Variants in PTPRN2 observed in about 807,000 individuals in gnomAD.
The protein encoded by PTPRN2 is protein tyrosine phosphatase receptor type N2.
PTPRN2 carries 74 observed loss-of-function variants against 118.8 expected under a neutral mutation model. The ratio of observed to expected loss-of-function variants is 0.62; its 90% CI spans 0.52 to 0.76. PTPRN2 has a LOEUF of 0.76. Among genes scored for constraint, PTPRN2 ranks in the 30% least tolerant of loss-of-function variants. The pLI is 0.00. For missense variants in PTPRN2, 1,481 were observed against 1,394.4 expected, an observed-to-expected ratio of 1.06 and a Z score of -0.99; for synonymous variants, 641 against 608.0, an observed-to-expected ratio of 1.05 and a Z score of -0.80.
intron 2 of PTPRN2, among the ~76,000 whole-genome samples, chr7:158,433,961 G>C (rs1816402247): frequency 1.3e-5 from 2 of 151,972 alleles, no homozygotes; most frequent in South Asian, 4.1e-4. Context: ...ATTTAGAAGA[G>C]TACTGCTTAA....
intron 11 of PTPRN2, among the ~76,000 whole-genome samples, chr7:157,942,146 TCCTCG>T (rs1800177321): frequency 1.6e-5 from 1 of 63,816 alleles, no homozygotes; most frequent in African/African-American, 1.1e-4. Flanking sequence ...CGCACAGGGG[TCCTCG>T]GCCCACCCTC....
At chr7:158,055,180 A>C (rs1809690503) in intron 11 of PTPRN2, among the ~76,000 whole-genome samples, 1 of 152,332 alleles carries the variant, frequency 6.6e-6, no homozygotes, top group South Asian at 2.1e-4. Context: ...TTGCTCTATA[A>C]TCATAACCTA....
intron 1 of PTPRN2, among the ~76,000 whole-genome samples, chr7:158,562,922 G>A (rs1827472636): frequency 6.6e-6 from 1 of 152,204 alleles, no homozygotes; most frequent in Non-Finnish European, 1.5e-5. Context: ...TTAAAGACCA[G>A]AATGTGTCCC....
chr7:158,037,046 CA>C (rs1808130370), intron 11 of PTPRN2, among the ~76,000 whole-genome samples: 1 of 152,176 alleles, frequency 6.6e-6, no homozygotes, highest in African/African-American at 2.4e-5. Flanking sequence ...ATACAGGTCA[CA>C]AGGTCAAAAT....
intron 12 of PTPRN2, among the ~76,000 whole-genome samples, chr7:157,736,868 T>C (rs1252045215): frequency 2.0e-5 from 3 of 152,146 alleles, no homozygotes; most frequent in African/African-American, 7.2e-5. Flanking sequence ...TGGACACATA[T>C]TGGTTTTGGA....
At chr7:158,066,521 C>T (rs1810790679) in intron 11 of PTPRN2, among the ~76,000 whole-genome samples, 1 of 152,186 alleles carries the variant, frequency 6.6e-6, no homozygotes, top group Non-Finnish European at 1.5e-5. Flanking sequence ...GGAACACAGC[C>T]TTTTCAGCTG....
intron 2 of PTPRN2, among the ~76,000 whole-genome samples, chr7:158,340,240 C>G (rs547748605): frequency 7.2e-5 from 5 of 69,278 alleles, no homozygotes; most frequent in Admixed American, 6.9e-4. Flanking sequence ...CACTCACACC[C>G]ACACTCTCAC....
rs574122485 is a variant in PTPRN2 at position 157,788,017 on chromosome 7, T to C, written c.1789-105080A>G. 3.5e-4 allele frequency among the ~76,000 whole-genome samples: 53 copies of C among 152,274 alleles called. No individual in the cohort carries two copies. In the South Asian group the frequency reaches 0.011, roughly 30 times the overall value. On this transcript the variant is annotated intron_variant, in intron 12 of 22. Transcript: ENST00000389418. ...AGGCCGACACAAGCCAGACCCAGCC[T>C]CTCTGCCATTCGCAAATCCCAGTGT...
intron 11 of PTPRN2, among the ~76,000 whole-genome samples, chr7:158,039,215 A>C (rs1046591935): frequency 8.5e-5 from 13 of 152,350 alleles, no homozygotes; most frequent in African/African-American, 2.6e-4. Context: ...CTGTGTGAAA[A>C]ACACATCTTG....
In PTPRN2 at chr7:157,950,388, T is replaced by C. The variant is rs190490117; in HGVS notation, c.1724-51651A>G. Reference sequence around the variant, plus strand: ...TGTTCAGATGCATAATGGGTTATTTTTGTTGGTATTTGGGTGGGTCGAATG... The same window carrying C: ...TGTTCAGATGCATAATGGGTTATTTCTGTTGGTATTTGGGTGGGTCGAATG... On this transcript the variant is annotated intron_variant, in intron 11 of 22. Coordinates refer to ENST00000389418, the MANE Select transcript of PTPRN2 (RefSeq NM_002847.5). Among the ~76,000 whole-genome samples the C allele has an allele frequency of 1.1e-3, 175 of 152,216 alleles. 1 individual carries two copies. Among genetic ancestry groups the C allele is most frequent in the Middle Eastern group, 3.4e-3 (1 of 294 alleles).
chr7:158,583,085 C>T (rs1442933862), intron 1 of PTPRN2, among the ~76,000 whole-genome samples: 6 of 152,186 alleles, frequency 3.9e-5, no homozygotes, highest in Non-Finnish European at 5.9e-5. Context: ...GCTTCACTCC[C>T]CTTCCTAGTC....
At chr7:157,863,757 CGGTAT>C (rs1171457948) in intron 12 of PTPRN2, 3 of 152,084 alleles carry the variant, frequency 2.0e-5, no homozygotes, top group Non-Finnish European at 4.4e-5. Context: ...CCAGCAGGAC[CGGTAT>C]CCTTATCAGA....
chr7:158,052,705 C>T (rs1489959188), intron 11 of PTPRN2, among the ~76,000 whole-genome samples: 9 of 151,266 alleles, frequency 5.9e-5, no homozygotes, highest in South Asian at 2.1e-4. Context: ...TCGTGGGGGC[C>T]GTGGAGGGGT....
chr7:158,580,771 T>C lies in PTPRN2; in HGVS notation c.112+6787A>G, dbSNP rs116127422. On this transcript the variant is annotated intron_variant, in intron 1 of 22. Transcript: ENST00000389418. ...TTGTGTCACCACGTTTTTAAAAACCTGACGGAAGCCCAGAAAGCATTCGGA... is the reference window on the plus strand; with the variant it reads ...TTGTGTCACCACGTTTTTAAAAACCCGACGGAAGCCCAGAAAGCATTCGGA... Among the ~76,000 whole-genome samples, 421 of 152,326 alleles carry C rather than the reference T, an allele frequency of 2.8e-3. 3 individuals are homozygous for C. Among genetic ancestry groups the C allele is most frequent in the African/African-American group, 9.6e-3 (397 of 41,564 alleles).
chr7:158,261,991 A>C (rs1797433557), intron 3 of PTPRN2, among the ~76,000 whole-genome samples: 1 of 152,150 alleles, frequency 6.6e-6, no homozygotes, highest in African/African-American at 2.4e-5. Context: ...GGTGACTGTG[A>C]CAACAGGAGG....
chr7:158,446,484 GGACACACGGA>G (rs1297791043), intron 2 of PTPRN2, among the ~76,000 whole-genome samples: 1 of 151,886 alleles, frequency 6.6e-6, no homozygotes, highest in African/African-American at 2.4e-5. Context: ...GCTCTGCAAT[GGACACACGGA>G]GACCCACCCG....
intron 3 of PTPRN2, among the ~76,000 whole-genome samples, chr7:158,264,680 C>T (rs1424343071): frequency 6.6e-6 from 1 of 152,142 alleles, no homozygotes; most frequent in East Asian, 1.9e-4. Context: ...GGCCGGGAGC[C>T]AGGAGCCGTG....
At chr7:157,551,259 G>A (rs544986754) in intron 21 of PTPRN2, among the ~76,000 whole-genome samples, 1 of 152,230 alleles carries the variant, frequency 6.6e-6, no homozygotes, top group South Asian at 2.1e-4. Flanking sequence ...ACCCGTGACT[G>A]TACCTTTGGT....
At chr7:158,138,798 C>G (rs1211632769) in intron 6 of PTPRN2, among the ~76,000 whole-genome samples, 1 of 152,206 alleles carries the variant, frequency 6.6e-6, no homozygotes, top group African/African-American at 2.4e-5. Context: ...GCACAGCTTC[C>G]AGAAAACACT....
Sources: allele counts gnomAD v4.1 joint callset (sites outside exome capture counted in the v4.1 genomes callset), GRCh38; gene constraint gnomAD v4.1.1; transcripts MANE v1.5; gene names NCBI Gene and HGNC (gene_info 2026-07-23, HGNC 2026-07-21).